MYRFL: variants seen among roughly 807,000 people sequenced by gnomAD.
MYRFL encodes the protein myelin regulatory factor like.
MYRFL carries 88 observed loss-of-function variants against 109.4 expected under a neutral mutation model. The observed-to-expected ratio is 0.80, with a 90% CI of 0.68 to 0.96. The LOEUF (loss-of-function observed/expected upper bound fraction) is 0.96, where lower values mean the gene tolerates loss of function less well. MYRFL is among the 40% of genes least tolerant of loss of function. The pLI, the probability that MYRFL is intolerant of heterozygous loss-of-function variation, is 0.00. For synonymous variants in MYRFL, 324 were observed against 320.9 expected (o/e 1.01, Z -0.10); for missense variants, 957 against 954.9 (o/e 1.00, Z -0.03).
At chr12:69,934,740 C>G (rs1955390852) in intron 16 of MYRFL, among the ~76,000 whole-genome samples, 1 of 152,212 alleles carries the variant, frequency 6.6e-6, no homozygotes, top group South Asian at 2.1e-4. Flanking sequence ...CAGGTCATCT[C>G]TTCCCCAAAT....
At chr12:69,884,359 C>A (rs1353405233) in intron 5 of MYRFL, among the ~76,000 whole-genome samples, 1 of 152,202 alleles carries the variant, frequency 6.6e-6, no homozygotes, top group Admixed American at 6.5e-5. Flanking sequence ...GGTTCTGATC[C>A]CTAGGCTTTT....
At position 69,844,922 on chromosome 12, in the gene MYRFL, A is replaced by T. The variant is rs148106427; in HGVS notation, c.47-10358A>T. 2.7e-3 allele frequency among the ~76,000 whole-genome samples: 417 copies of T among 152,182 alleles called. 1 individual carries two copies. Among genetic ancestry groups the T allele is most frequent in the African/African-American group, 9.7e-3 (402 of 41,514 alleles). ...ACCAGAATGACCCTCGAAAACATAA[A>T]GTATATGATGTCACTCTCCAAAGGC... On this transcript the variant is annotated intron_variant, in intron 1 of 24. Coordinates refer to ENST00000552032, the MANE Select transcript of MYRFL (RefSeq NM_182530.3).
chr12:69,957,681 TG>T, intron 22 of MYRFL, 140 bp from the exon 23 acceptor site: 1 of 987,004 alleles, frequency 1.0e-6, no homozygotes, highest in Non-Finnish European at 1.4e-6. Flanking sequence ...CGGTGAGCTT[TG>T]TGTGATACAA....
At chr12:69,866,571 G>T (rs1885027599) in intron 2 of MYRFL, among the ~76,000 whole-genome samples, 1 of 152,186 alleles carries the variant, frequency 6.6e-6, no homozygotes, top group South Asian at 2.1e-4. Flanking sequence ...CTAGAGGTGG[G>T]ATTCAGACCT....
At chr12:69,844,950 C>T (rs1279776132) in intron 1 of MYRFL, among the ~76,000 whole-genome samples, 3 of 152,084 alleles carry the variant, frequency 2.0e-5, no homozygotes, top group African/African-American at 7.2e-5. Flanking sequence ...CCAAAGGCTT[C>T]CTATTGCTCT....
At chr12:69,841,514 A>C (rs1592686741) in intron 1 of MYRFL, among the ~76,000 whole-genome samples, 1 of 152,274 alleles carries the variant, frequency 6.6e-6, no homozygotes, top group African/African-American at 2.4e-5. Context: ...TACTCACATG[A>C]TGTTAAATAT....
At position 69,955,381 on chromosome 12, in the gene MYRFL, C is replaced by T; in HGVS notation, c.2394C>T (p.Tyr798=). ...TAATTAGATCTGGAAATTATAATTA[C>T]AATATTCCTGTTAATAAACACACAC... ...SLQCGSGNYN[Y]NIPVNKHTPT... is the part of the protein sequence containing the mutation. The change falls in exon 22 of 25, where the codon TAC becomes TAT. Residue 798 remains tyrosine, a synonymous_variant. Coordinates refer to ENST00000552032, the MANE Select transcript of MYRFL (RefSeq NM_182530.3). The T allele has an allele frequency of 1.5e-6, 1 of 652,742 alleles. No individual in the cohort carries two copies. 40.4% of individuals were successfully genotyped at this position (652,742 alleles called of 1,614,324 possible). A position where few individuals can be genotyped will look rare whatever the true frequency, so the allele number is the denominator to read the frequency against.
chr12:69,914,957 A>C (rs1210582119), intron 13 of MYRFL, among the ~76,000 whole-genome samples: 1 of 152,166 alleles, frequency 6.6e-6, no homozygotes, highest in Non-Finnish European at 1.5e-5. Context: ...ACATCTCCCC[A>C]CTCTGATGAT....
At chr12:69,858,160 T>G (rs1490789081) in intron 2 of MYRFL, among the ~76,000 whole-genome samples, 2 of 151,954 alleles carry the variant, frequency 1.3e-5, no homozygotes, top group Non-Finnish European at 3.0e-5. Context: ...TTACTTTGCT[T>G]AGTTTTTGAT....
At chr12:69,839,111 A>G (rs1346093337) in intron 1 of MYRFL, among the ~76,000 whole-genome samples, 2 of 152,184 alleles carry the variant, frequency 1.3e-5, no homozygotes, top group Non-Finnish European at 2.9e-5. Flanking sequence ...TAGATCCATA[A>G]TATTTTAAAG....
intron 15 of MYRFL, among the ~76,000 whole-genome samples, chr12:69,930,438 T>G (rs1955233376): frequency 1.3e-5 from 2 of 152,120 alleles, no homozygotes; most frequent in Non-Finnish European, 2.9e-5. Flanking sequence ...TCATTCTTGC[T>G]ATACGTAGGA....
rs1221853847 is a variant in MYRFL, at chr12:69,910,065, G to C, written c.1480G>C (p.Ala494Pro). 63 of 1,524,006 alleles carry C rather than the reference G, an allele frequency of 4.1e-5. No homozygotes were observed. In the East Asian group the frequency reaches 1.5e-3, roughly 37 times the overall value. 94.4% of individuals were successfully genotyped at this position (1,524,006 alleles called of 1,614,324 possible). A position where few individuals can be genotyped will look rare whatever the true frequency, so the allele number is the denominator to read the frequency against. ...EFASAMGINT[A>P]HQTGMIAQEV... ...TGCATCTGCAATGGGAATAAACACT[G>C]CCCATCAAACAGGTACACACACAAA... Residue 494 changes from alanine (A) to proline (P), a missense_variant, in exon 12 of 25, where the codon GCC (alanine) becomes CCC (proline). Physicochemically the swap from Ala to Pro is conservative, Grantham distance 27 (BLOSUM62 -1). Transcript: ENST00000552032.
intron 14 of MYRFL, among the ~76,000 whole-genome samples, chr12:69,927,064 C>T (rs1339782751): frequency 1.1e-4 from 16 of 151,052 alleles, no homozygotes; most frequent in Non-Finnish European, 2.2e-4. Flanking sequence ...CCTGCCTCAA[C>T]CTCCCGAGTA....
chr12:69,937,394 AAAT>A (rs1417010335), intron 19 of MYRFL, among the ~76,000 whole-genome samples: 3 of 152,194 alleles, frequency 2.0e-5, no homozygotes, highest in African/African-American at 7.2e-5. Context: ...AACAACTCTT[AAAT>A]AACAGTGGCT....
rs376613022 is a variant in MYRFL, at chr12:69,887,133, TA to T, written c.707+164del. On this transcript the variant is annotated intron_variant, in intron 6 of 24. Coordinates refer to ENST00000552032, the MANE Select transcript of MYRFL (RefSeq NM_182530.3). ...CATTTTTTACATCCTAACAAATAAA[TA>T]GTTGGAATATGGGTTTCTGGCCTTC... Among the ~76,000 whole-genome samples the T allele has an allele frequency of 4.4e-3, 672 of 152,268 alleles. 2 individuals carry two copies. The highest frequency in any genetic ancestry group is 7.3e-3 in the Non-Finnish European group (497 of 68,024).
In MYRFL at chr12:69,927,738, A is replaced by G. The variant is rs1436374326; in HGVS notation, c.1820A>G (p.Lys607Arg). 1 of 1,533,826 alleles carries G rather than the reference A, an allele frequency of 6.5e-7. No homozygotes were observed. The highest frequency in any genetic ancestry group is 1.2e-5 in the South Asian group (1 of 83,604). Residue 607 changes from lysine (K) to arginine (R), a missense_variant, in exon 15 of 25, where the codon AAA becomes AGA. Physicochemically the swap from Lys to Arg is conservative, Grantham distance 26. Coordinates refer to ENST00000552032, the MANE Select transcript of MYRFL (RefSeq NM_182530.3). ...TCTCCAAGAAGGGCCGTTCATAAAA[A>G]AAACAACAAGGTAAATAGACACATT... Reference protein sequence around the residue: ...ASSPRRAVHKKNNKVYFSGKR... With the variant: ...ASSPRRAVHKRNNKVYFSGKR...
rs143170206 is a variant in MYRFL at position 69,953,764 on chromosome 12, G to GACACACACACACAC, written c.2375+899_2375+912dup. On this transcript the variant is annotated intron_variant, in intron 21 of 24. Transcript: ENST00000552032. ...AGCCTGGATGACAAAGTGCAACCCG[G>GACACACACACACAC]ACACACACACACACACACACACACA... 9.9e-3 allele frequency among the ~76,000 whole-genome samples: 1,421 copies of GACACACACACACAC among 144,258 alleles called. 17 individuals carry two copies. The highest frequency in any genetic ancestry group is 0.031 in the Middle Eastern group (9 of 288). The allele number at this position is 144,258 out of a possible 152,430, so 94.6% of individuals were successfully genotyped here. A position where few individuals can be genotyped will look rare whatever the true frequency, so the allele number is the denominator to read the frequency against.
At chr12:69,939,427 G>C (rs1018665777) in intron 19 of MYRFL, among the ~76,000 whole-genome samples, 2 of 152,076 alleles carry the variant, frequency 1.3e-5, no homozygotes, top group Non-Finnish European at 2.9e-5. Flanking sequence ...CTCCAGCAGG[G>C]GCACACTGAC....
At chr12:69,825,679 G>C in intron 1 of MYRFL, 116 bp downstream of exon 1, 1 of 637,118 alleles carries the variant, frequency 1.6e-6, no homozygotes, top group Non-Finnish European at 2.8e-6. Context: ...ATCATACTTA[G>C]GTAACTCTCC....
Sources: gnomAD v4.1 joint callset for allele counts (sites outside exome capture counted in the v4.1 genomes callset) on GRCh38, gnomAD v4.1.1 for gene constraint, MANE v1.5 for transcripts, NCBI Gene and HGNC (gene_info 2026-07-23, HGNC 2026-07-21) for gene names.